Variants in SLC1A2 observed in about 807,000 individuals in gnomAD.
The protein encoded by SLC1A2 is solute carrier family 1 member 2, also known as excitatory amino acid transporter 2.
In SLC1A2, 15 loss-of-function variants were observed where a neutral mutation model predicts 48.8. That is an observed-to-expected ratio of 0.31 (90% CI 0.21 to 0.47). SLC1A2 has a LOEUF of 0.47. Among genes scored for constraint, SLC1A2 ranks in the 20% least tolerant of loss-of-function variants. SLC1A2 has a pLI of 0.99. For synonymous variants in SLC1A2, 279 were observed against 272.6 expected (o/e 1.02, Z -0.23); for missense variants, 502 against 730.5 (o/e 0.69, Z 3.61).
intron 8 of SLC1A2, chr11:35,281,687 C>A (rs924092600): frequency 2.6e-5 from 4 of 152,026 alleles, no homozygotes; most frequent in Non-Finnish European, 5.9e-5. Flanking sequence ...AATGCCAGGG[C>A]CACACCCAGC....
intron 6 of SLC1A2, among the ~76,000 whole-genome samples, chr11:35,300,563 C>T (rs912989079): frequency 1.3e-5 from 2 of 152,228 alleles, no homozygotes; most frequent in Non-Finnish European, 2.9e-5. Flanking sequence ...AGGCCCTCCA[C>T]AGATACCAAA....
intron 1 of SLC1A2, among the ~76,000 whole-genome samples, chr11:35,334,901 T>C (rs1852570077): frequency 6.6e-6 from 1 of 152,066 alleles, no homozygotes; most frequent in Non-Finnish European, 1.5e-5. Flanking sequence ...AGACATTTTG[T>C]ACAATATGAG....
In SLC1A2 at chr11:35,260,932, A is replaced by T. The variant is rs201454950; in HGVS notation, c.1687T>A (p.Cys563Ser). The T allele has an allele frequency of 1.2e-5, 20 of 1,613,948 alleles. No individual in the cohort carries two copies. The African/African-American group carries it at 2.0e-4, about 16-fold the overall frequency. ...TLAANGKSAD[C>S]SVEEEPWKRE... is the part of the protein sequence containing the mutation. The stretch of plus-strand genomic sequence containing the variant: ...TTCCAAGGTTCTTCCTCAACACTGC[A>T]GTCGGCTGACTTTCCATTGGCTGCC... The change falls in exon 11 of 11, where the codon TGC (cysteine) becomes AGC (serine). Residue 563 changes from cysteine to serine, a missense_variant. Physicochemically the swap from Cys to Ser is moderately radical, Grantham distance 112 (BLOSUM62 -1). Transcript: ENST00000278379.
At chr11:35,401,249 A>T (rs11033111) in intron 1 of SLC1A2, among the ~76,000 whole-genome samples, 3 of 152,100 alleles carry the variant, frequency 2.0e-5, no homozygotes, top group African/African-American at 7.3e-5. Flanking sequence ...CTCCTGGATC[A>T]GAAAAAAAGA....
chr11:35,279,179 C>A (rs997147597), intron 9 of SLC1A2, among the ~76,000 whole-genome samples: 9 of 152,228 alleles, frequency 5.9e-5, no homozygotes, highest in African/African-American at 1.4e-4. Flanking sequence ...ACATTGAAGA[C>A]TGGCATTGCC....
At position 35,419,363 on chromosome 11, in the gene SLC1A2, G is replaced by C. The variant is rs1855713525; in HGVS notation, c.-397C>G. 1 of 219,308 alleles carries C rather than the reference G, an allele frequency of 4.6e-6. No homozygotes were observed. The highest frequency in any genetic ancestry group is 8.9e-6 in the Non-Finnish European group (1 of 112,810). 13.6% of individuals were successfully genotyped at this position (219,308 alleles called of 1,614,324 possible). A position where few individuals can be genotyped will look rare whatever the true frequency, so the allele number is the denominator to read the frequency against. ...GCGGGGCTCGCGGGCGCGGCGAGTG[G>C]CGGGAGCAGAGAGTGGTGGCAGAGG... On this transcript the variant is annotated 5_prime_UTR_variant, in exon 1 of 11. Transcript: ENST00000278379. This position sits in a 1 kb window ranked among gnomAD's most constrained non-coding sequence, Gnocchi z 5.4.
At chr11:35,403,088 A>G (rs1855182512) in intron 1 of SLC1A2, among the ~76,000 whole-genome samples, 1 of 152,248 alleles carries the variant, frequency 6.6e-6, no homozygotes, top group African/African-American at 2.4e-5. Flanking sequence ...TATTCCAAGA[A>G]GAACAATGAC....
chr11:35,283,117 G>C (rs2134697109), intron 8 of SLC1A2, among the ~76,000 whole-genome samples: 1 of 152,216 alleles, frequency 6.6e-6, no homozygotes, highest in South Asian at 2.1e-4. Flanking sequence ...TAGGATGGGT[G>C]GAGAAACTTA....
At chr11:35,301,793 T>G in intron 5 of SLC1A2, 148 bp from the exon 6 acceptor site, 1 of 735,474 alleles carries the variant, frequency 1.4e-6, no homozygotes, top group Non-Finnish European at 2.1e-6. Context: ...AGCATTATAT[T>G]TGATACTGAA....
intron 1 of SLC1A2, among the ~76,000 whole-genome samples, chr11:35,405,048 C>G (rs1169418807): frequency 2.8e-5 from 2 of 71,460 alleles, no homozygotes; most frequent in Admixed American, 3.3e-4. Flanking sequence ...GATCTTTCAT[C>G]CAATCACAGG....
Position 35,254,413 on chromosome 11 carries a change from A to G in SLC1A2, c.*6481T>C, listed in dbSNP as rs745623006. The G allele has an allele frequency of 4.2e-5, 7 of 165,798 alleles. No homozygotes were observed. The highest frequency in any genetic ancestry group is 4.0e-5 in the Non-Finnish European group (3 of 75,856). 10.3% of individuals were successfully genotyped at this position (165,798 alleles called of 1,614,324 possible). A position where few individuals can be genotyped will look rare whatever the true frequency, so the allele number is the denominator to read the frequency against. On this transcript the variant is annotated 3_prime_UTR_variant, in exon 11 of 11. Coordinates refer to ENST00000278379, the MANE Select transcript of SLC1A2 (RefSeq NM_004171.4). ...AACTCTTATGGAGTATTAAACCACC[A>G]GACAGCCAACTTTCTGATCATTTAT... is the stretch of plus-strand genomic sequence containing the variant.
At chr11:35,275,676 G>C (rs979681329) in intron 9 of SLC1A2, among the ~76,000 whole-genome samples, 3 of 152,212 alleles carry the variant, frequency 2.0e-5, no homozygotes, top group African/African-American at 7.2e-5. Flanking sequence ...TCCAGCAGTT[G>C]GCAAACACTG....
chr11:35,271,704 G>A (rs1254290693), intron 9 of SLC1A2, among the ~76,000 whole-genome samples: 1 of 152,132 alleles, frequency 6.6e-6, no homozygotes, highest in Non-Finnish European at 1.5e-5. Flanking sequence ...TTAGCCGGGT[G>A]TGGTGTCGTG....
intron 1 of SLC1A2, among the ~76,000 whole-genome samples, chr11:35,341,565 C>A (rs1311044973): frequency 6.6e-6 from 1 of 152,162 alleles, no homozygotes; most frequent in African/African-American, 2.4e-5. Context: ...CCTTAGCAAT[C>A]AGGGCAGAGT....
chr11:35,312,163 A>C (rs1203715480), intron 4 of SLC1A2, 35 bp downstream of exon 4: 3 of 1,607,718 alleles, frequency 1.9e-6, no homozygotes, highest in East Asian at 2.2e-5. Flanking sequence ...AACTTAGAGG[A>C]CTGGAGAAGA....
chr11:35,318,627 TG>T (rs1326155191), intron 1 of SLC1A2, among the ~76,000 whole-genome samples: 3 of 152,228 alleles, frequency 2.0e-5, no homozygotes, highest in Non-Finnish European at 4.4e-5. Context: ...GGGAATAGTG[TG>T]GGTTTTGGAG....
chr11:35,261,330 T>G (rs1439112640), intron 10 of SLC1A2, among the ~76,000 whole-genome samples: 1 of 152,154 alleles, frequency 6.6e-6, no homozygotes, highest in Non-Finnish European at 1.5e-5. Context: ...GAGGAAGAAA[T>G]CCAGAACTAG....
intron 1 of SLC1A2, among the ~76,000 whole-genome samples, chr11:35,379,957 C>T (rs1835196744): frequency 6.6e-6 from 1 of 152,184 alleles, no homozygotes; most frequent in South Asian, 2.1e-4. Flanking sequence ...ATTTAACCAC[C>T]GACTGCAAAG....
intron 6 of SLC1A2, chr11:35,297,595 T>C (rs1278664318): frequency 6.6e-6 from 1 of 152,040 alleles, no homozygotes; most frequent in Non-Finnish European, 1.5e-5. Context: ...TATGTTTTTA[T>C]AGGGGTGAGA....
Sources: allele counts gnomAD v4.1 joint callset (sites outside exome capture counted in the v4.1 genomes callset), GRCh38; gene constraint gnomAD v4.1.1; non-coding constraint Gnocchi (gnomAD v3.1); transcripts MANE v1.5; gene names NCBI Gene and HGNC (gene_info 2026-07-23, HGNC 2026-07-21).